The following MYRIP variants were observed in gnomAD, a reference collection of about 807,000 sequenced individuals.
The protein encoded by MYRIP is rab effector MyRIP.
In MYRIP, 49 loss-of-function variants were observed where a neutral mutation model predicts 98.0. The ratio of observed to expected loss-of-function variants is 0.50; its 90% CI spans 0.40 to 0.63. The LOEUF is 0.63. Ranked by LOEUF, MYRIP falls within the 30% of genes least tolerant of loss-of-function variation. The pLI, the probability that MYRIP is intolerant of heterozygous loss-of-function variation, is 0.00. For missense variants in MYRIP, 1,004 were observed against 1,058.2 expected (o/e 0.95, Z 0.71); for synonymous variants, 404 against 409.5 (o/e 0.99, Z 0.16).
intron 1 of MYRIP, among the ~76,000 whole-genome samples, chr3:39,880,154 C>G (rs1943123388): frequency 6.6e-6 from 1 of 151,974 alleles, no homozygotes; most frequent in East Asian, 1.9e-4. Flanking sequence ...TGTGCTGCAC[C>G]CATTAACTCG....
At chr3:40,039,217 G>A (rs542963473) in intron 2 of MYRIP, among the ~76,000 whole-genome samples, 1 of 152,192 alleles carries the variant, frequency 6.6e-6, no homozygotes, top group Admixed American at 6.5e-5. Flanking sequence ...AAGTTGGGGT[G>A]GAGAAAGTCT....
intron 2 of MYRIP, among the ~76,000 whole-genome samples, chr3:39,947,165 C>T (rs1390354252): frequency 1.3e-5 from 2 of 151,930 alleles, no homozygotes; most frequent in African/African-American, 4.8e-5. Context: ...ACAGGTCAAA[C>T]AGACAAAAAG....
chr3:40,089,112 A>T (rs1948690612), intron 3 of MYRIP, among the ~76,000 whole-genome samples: 1 of 152,088 alleles, frequency 6.6e-6, no homozygotes, highest in Non-Finnish European at 1.5e-5. Context: ...TGATGCATGG[A>T]TGTGAGGGCC....
At chr3:39,829,716 A>G (rs6783267) in intron 1 of MYRIP, among the ~76,000 whole-genome samples, 93,336 of 151,866 alleles carry the variant, frequency 0.61, 28,877 homozygotes, top group Middle Eastern at 0.67. Context: ...ATACCATTGC[A>G]CACCTAATAG....
At chr3:40,122,017 A>C (rs999335998) in intron 3 of MYRIP, among the ~76,000 whole-genome samples, 2 of 152,182 alleles carry the variant, frequency 1.3e-5, no homozygotes, top group Non-Finnish European at 2.9e-5. Context: ...TTTTGTTTAA[A>C]TATTTTATTT....
chr3:39,841,675 G>A (rs753379879), intron 1 of MYRIP, among the ~76,000 whole-genome samples: 2 of 152,174 alleles, frequency 1.3e-5, no homozygotes, highest in East Asian at 3.9e-4. Flanking sequence ...TGATGCTATT[G>A]CTTTCTGTTT....
chr3:40,229,354 A>G (rs1399434912), intron 11 of MYRIP, among the ~76,000 whole-genome samples: 3 of 152,160 alleles, frequency 2.0e-5, no homozygotes, highest in Non-Finnish European at 4.4e-5. Flanking sequence ...CTCTGCCTAC[A>G]GTCCCTAGAG....
Position 40,259,012 on chromosome 3 carries a change from A to G in MYRIP, c.*846A>G, listed in dbSNP as rs1953688380. The G allele has an allele frequency of 6.6e-6, 1 of 152,234 alleles. No homozygotes were observed. Among genetic ancestry groups the G allele is most frequent in the South Asian group, 2.1e-4 (1 of 4,832 alleles). 9.4% of individuals were successfully genotyped at this position (152,234 alleles called of 1,614,324 possible). On this transcript the variant is annotated 3_prime_UTR_variant, in exon 17 of 17. Transcript: ENST00000302541. ...ATGTGGTTTAGCAGTGATCACATCT[A>G]AACAAAGTTTAGGTAAATGAATTAT...
intron 1 of MYRIP, among the ~76,000 whole-genome samples, chr3:39,821,006 T>C (rs1402464884): frequency 6.6e-6 from 1 of 152,126 alleles, no homozygotes; most frequent in Non-Finnish European, 1.5e-5. Context: ...GCTGACATTT[T>C]CCCCTTCTCT....
intron 11 of MYRIP, among the ~76,000 whole-genome samples, chr3:40,218,619 TATATATATATATATA>T (rs1559460429): frequency 0.022 from 390 of 17,482 alleles, 14 homozygotes; most frequent in Middle Eastern, 0.18. Flanking sequence ...ATTTTATATA[TATATATATATATATA>T]TATATATATA....
chr3:39,812,549 A>G (rs80211811), intron 1 of MYRIP, among the ~76,000 whole-genome samples: 2,074 of 152,330 alleles, frequency 0.014, 53 homozygotes, highest in African/African-American at 0.046. Context: ...GAGCTTTTTC[A>G]TAGGGTGAAT....
chr3:40,246,978 TA>T (rs1953227006), intron 13 of MYRIP, among the ~76,000 whole-genome samples: 1 of 152,136 alleles, frequency 6.6e-6, no homozygotes, highest in East Asian at 1.9e-4. Flanking sequence ...AAAAAAAAAT[TA>T]TTTTCCATAA....
chr3:40,171,752 AAC>A (rs1262471379), intron 8 of MYRIP, among the ~76,000 whole-genome samples: 30 of 152,374 alleles, frequency 2.0e-4, no homozygotes, highest in Non-Finnish European at 4.4e-4. Context: ...TTGTGCAGCC[AAC>A]ACAGTCTTTA....
chr3:40,040,661 G>T (rs1947491150), intron 2 of MYRIP, among the ~76,000 whole-genome samples: 1 of 69,038 alleles, frequency 1.4e-5, no homozygotes, highest in Non-Finnish European at 2.7e-5. Context: ...AAAAAATGAT[G>T]AGTTCATATC....
Position 40,212,125 on chromosome 3 carries a change from T to C in MYRIP, c.1905+2032T>C, listed in dbSNP as rs1447691046. ...GTGTGTATATATATATACATATATATACGTGTATATATATATACATATATA... is the reference window on the plus strand; with the variant it reads ...GTGTGTATATATATATACATATATACACGTGTATATATATATACATATATA... On this transcript the variant is annotated intron_variant, in intron 11 of 16. Transcript: ENST00000302541. Among the ~76,000 whole-genome samples the C allele has an allele frequency of 1.3e-4, 5 of 39,698 alleles. No homozygotes were observed. The East Asian group carries it at 3.4e-3, about 27-fold the overall frequency. 26.0% of individuals were successfully genotyped at this position (39,698 alleles called of 152,430 possible). A position where few individuals can be genotyped will look rare whatever the true frequency, so the allele number is the denominator to read the frequency against.
intron 2 of MYRIP, among the ~76,000 whole-genome samples, chr3:39,983,773 G>C (rs550781249): frequency 6.2e-4 from 95 of 152,050 alleles, no homozygotes; most frequent in Non-Finnish European, 1.1e-3. Flanking sequence ...TAGTAGGGAC[G>C]CATTCTTTAT....
intron 7 of MYRIP, among the ~76,000 whole-genome samples, chr3:40,168,938 C>T (rs568575628): frequency 2.0e-5 from 3 of 152,336 alleles, no homozygotes; most frequent in Admixed American, 6.5e-5. Context: ...CGATAATTCA[C>T]ATCCCTTCCG....
intron 2 of MYRIP, among the ~76,000 whole-genome samples, chr3:39,995,089 A>G (rs1356801866): frequency 6.6e-6 from 1 of 152,228 alleles, no homozygotes; most frequent in East Asian, 1.9e-4. Context: ...AGATGGGGGA[A>G]AAAAACAGCA....
At chr3:39,983,335 T>A (rs1945941187) in intron 2 of MYRIP, among the ~76,000 whole-genome samples, 2 of 152,250 alleles carry the variant, frequency 1.3e-5, no homozygotes, top group African/African-American at 4.8e-5. Flanking sequence ...TTGGTCAAGC[T>A]GTCTTCTTTG....
Sources: allele counts gnomAD v4.1 joint callset (sites outside exome capture counted in the v4.1 genomes callset), GRCh38; gene constraint gnomAD v4.1.1; transcripts MANE v1.5; gene names NCBI Gene and HGNC (gene_info 2026-07-23, HGNC 2026-07-21).